PDE10A: variants seen among roughly 807,000 people sequenced by gnomAD.
PDE10A encodes the protein cAMP and cAMP-inhibited cGMP 3',5'-cyclic phosphodiesterase 10A.
Under a neutral mutation model 97.7 loss-of-function variants are expected in PDE10A, and 39 were observed. That is an observed-to-expected ratio of 0.40 (90% CI 0.31 to 0.52). The LOEUF is 0.52. Among genes scored for constraint, PDE10A ranks in the 20% least tolerant of loss-of-function variants. PDE10A has a pLI of 0.56. For missense variants in PDE10A, 731 were observed against 1,047.8 expected (o/e 0.70, Z 4.17); for synonymous variants, 371 against 376.8 (o/e 0.98, Z 0.18).
Position 165,859,075 on chromosome 6 carries a change from G to T in PDE10A, c.-615+128454C>A, listed in dbSNP as rs114618951. Among the ~76,000 whole-genome samples, 1,152 of 152,236 alleles carry T rather than the reference G, an allele frequency of 7.6e-3. 21 individuals are homozygous for T. The highest frequency in any genetic ancestry group is 0.027 in the African/African-American group (1,105 of 41,532). ...GACCTTAGGGAAAATATAAGATTAG[G>T]TTCCTGGGAGCCTCTGGACACAAGA... On this transcript the variant is annotated intron_variant, in intron 1 of 19. Transcript: ENST00000366882.
At chr6:165,859,555 T>C (rs1780842256) in intron 1 of PDE10A, among the ~76,000 whole-genome samples, 1 of 152,140 alleles carries the variant, frequency 6.6e-6, no homozygotes, top group South Asian at 2.1e-4. Flanking sequence ...AGTGGGAAGG[T>C]GTGTGGTGCT....
intron 1 of PDE10A, among the ~76,000 whole-genome samples, chr6:165,931,708 A>G (rs1381588954): frequency 1.3e-5 from 2 of 152,144 alleles, no homozygotes; most frequent in African/African-American, 4.8e-5. Context: ...CTATGTGGAA[A>G]AGGTTCTACA....
At chr6:165,880,241 A>G (rs1486982948) in intron 1 of PDE10A, among the ~76,000 whole-genome samples, 1 of 152,222 alleles carries the variant, frequency 6.6e-6, no homozygotes, top group East Asian at 1.9e-4. Context: ...AAGTAGGTGT[A>G]GAGTCAGTTA....
chr6:165,752,444 A>G (rs892037772), intron 1 of PDE10A, among the ~76,000 whole-genome samples: 2 of 152,174 alleles, frequency 1.3e-5, no homozygotes, highest in Admixed American at 1.3e-4. Flanking sequence ...TGGCCTAGAC[A>G]CTGCAAGATA....
At chr6:165,881,235 G>A (rs1781463163) in intron 1 of PDE10A, among the ~76,000 whole-genome samples, 1 of 152,086 alleles carries the variant, frequency 6.6e-6, no homozygotes, top group Admixed American at 6.5e-5. Context: ...ATTTCAAAAT[G>A]TCAGCCCTTC....
chr6:165,652,477 T>A (rs1789733262), intron 1 of PDE10A, among the ~76,000 whole-genome samples: 2 of 152,114 alleles, frequency 1.3e-5, no homozygotes, highest in South Asian at 2.1e-4. Flanking sequence ...AAGAGCCACC[T>A]CGCCCAGCCT....
chr6:165,923,182 G>A (rs977204481), intron 1 of PDE10A, among the ~76,000 whole-genome samples: 4 of 152,176 alleles, frequency 2.6e-5, no homozygotes, highest in Non-Finnish European at 2.9e-5. Flanking sequence ...TCACAAACAC[G>A]ATGTGTCTTT....
At chr6:165,601,343 T>C (rs1282104658) in intron 1 of PDE10A, among the ~76,000 whole-genome samples, 1 of 152,190 alleles carries the variant, frequency 6.6e-6, no homozygotes, top group East Asian at 1.9e-4. Flanking sequence ...ATGACTGAAG[T>C]ATTTTTTTCT....
intron 1 of PDE10A, chr6:165,775,879 A>T (rs1175515177): frequency 6.6e-6 from 1 of 152,256 alleles, no homozygotes; most frequent in Non-Finnish European, 1.5e-5. Context: ...ACTTATACTT[A>T]AATTTCAGTG....
Position 165,798,488 on chromosome 6 carries a change from GT to G in PDE10A, c.-615+189040del, listed in dbSNP as rs543607710. On this transcript the variant is annotated intron_variant, in intron 1 of 19. Transcript: ENST00000366882. ...CCTCACAGAAAGACAGAATTCAAAT[GT>G]TTTTATGTCCACAGAACCTGCAACC... Among the ~76,000 whole-genome samples the G allele has an allele frequency of 3.6e-4, 55 of 152,234 alleles. 1 individual carries two copies. Among genetic ancestry groups the G allele is most frequent in the African/African-American group, 1.3e-3 (53 of 41,534 alleles).
At chr6:165,521,856 G>T (rs151034005) in intron 2 of PDE10A, among the ~76,000 whole-genome samples, 1 of 152,158 alleles carries the variant, frequency 6.6e-6, no homozygotes, top group Non-Finnish European at 1.5e-5. Context: ...GATGATTCAC[G>T]AAGGTAGCTA....
At chr6:165,560,765 C>G (rs374157323) in intron 1 of PDE10A, among the ~76,000 whole-genome samples, 1 of 152,098 alleles carries the variant, frequency 6.6e-6, no homozygotes, top group Non-Finnish European at 1.5e-5. Context: ...CAGGGGAGAA[C>G]GTCTATGCTT....
intron 2 of PDE10A, among the ~76,000 whole-genome samples, chr6:165,492,329 A>G (rs1780275281): frequency 6.6e-6 from 1 of 152,200 alleles, no homozygotes; most frequent in Non-Finnish European, 1.5e-5. Context: ...AAGATAGAGA[A>G]AGAGGGAATT....
At chr6:165,628,913 T>C (rs755828438) in intron 1 of PDE10A, among the ~76,000 whole-genome samples, 1 of 152,288 alleles carries the variant, frequency 6.6e-6, no homozygotes, top group Non-Finnish European at 1.5e-5. Flanking sequence ...AATTTAGATA[T>C]TGAAAAGACC....
chr6:165,957,972 C>T (rs1784188624), intron 1 of PDE10A, among the ~76,000 whole-genome samples: 1 of 152,322 alleles, frequency 6.6e-6, no homozygotes. Context: ...GGTTCCCCAG[C>T]AGTGGGCAGT....
At chr6:165,678,067 GTGTT>G (rs1445730759) in intron 1 of PDE10A, among the ~76,000 whole-genome samples, 4 of 149,958 alleles carry the variant, frequency 2.7e-5, no homozygotes, top group African/African-American at 9.8e-5. Context: ...TTGTGTATGT[GTGTT>G]TGTATAGCTA....
At chr6:165,888,616 G>T (rs2128481768) in intron 1 of PDE10A, among the ~76,000 whole-genome samples, 1 of 152,294 alleles carries the variant, frequency 6.6e-6, no homozygotes, top group South Asian at 2.1e-4. Flanking sequence ...GCCTTCTGCG[G>T]GAATGTAACT....
At chr6:165,681,424 G>GTGTC (rs1308030588) in intron 1 of PDE10A, among the ~76,000 whole-genome samples, 2,548 of 149,168 alleles carry the variant, frequency 0.017, 28 homozygotes, top group South Asian at 0.049. Flanking sequence ...GTGTGTGTGT[G>GTGTC]TGTGTCTGTG....
chr6:165,728,824 G>A (rs577446360), intron 1 of PDE10A, among the ~76,000 whole-genome samples: 1 of 152,234 alleles, frequency 6.6e-6, no homozygotes, highest in South Asian at 2.1e-4. Flanking sequence ...TGTCTTTGGG[G>A]CTTGAGATGA....
Sources: gnomAD v4.1 joint callset for allele counts (sites outside exome capture counted in the v4.1 genomes callset) on GRCh38, gnomAD v4.1.1 for gene constraint, MANE v1.5 for transcripts, NCBI Gene and HGNC (gene_info 2026-07-23, HGNC 2026-07-21) for gene names.